TRPM6: variants seen among roughly 807,000 people sequenced by gnomAD.
TRPM6 encodes transient receptor potential cation channel subfamily M member 6.
A neutral mutation model predicts 247.6 loss-of-function variants in TRPM6; 111 were observed. The ratio of observed to expected loss-of-function variants is 0.45; its 90% CI spans 0.38 to 0.52. The LOEUF (loss-of-function observed/expected upper bound fraction) is 0.52. TRPM6 is among the 20% of genes least tolerant of loss of function. TRPM6 has a pLI of 0.00. For synonymous variants in TRPM6, 892 were observed against 853.8 expected (o/e 1.04, Z -0.78); for missense variants, 2,126 against 2,421.5 (o/e 0.88, Z 2.56).
chr9:74,763,098 A>G lies in TRPM6; in HGVS notation c.3573T>C (p.Asn1191=). 1 of 1,613,522 alleles carries G rather than the reference A, an allele frequency of 6.2e-7. No homozygotes were observed. The highest frequency in any genetic ancestry group is 8.5e-7 in the Non-Finnish European group (1 of 1,180,000). The part of the protein sequence containing the change: ...TEMYFQLKEM[N]EKVSFIKDSL... ...AGTCCTTTATAAAAGACACCTTTTC[A>G]TTCATTTCTTTCAGCTGGAAGTACA... Residue 1191 remains asparagine, a synonymous_variant, in exon 26 of 39, where the codon AAT becomes AAC. Coordinates refer to ENST00000360774, the MANE Select transcript of TRPM6 (RefSeq NM_017662.5).
intron 11 of TRPM6, 86 bp downstream of exon 11, chr9:74,816,583 A>G (rs1015661099): frequency 9.9e-5 from 108 of 1,092,570 alleles, no homozygotes; most frequent in Non-Finnish European, 1.3e-4. Context: ...AAACCAATCA[A>G]TATCTCCTCT....
chr9:74,729,622 A>T (rs989584400), intron 37 of TRPM6, among the ~76,000 whole-genome samples: 1 of 152,152 alleles, frequency 6.6e-6, no homozygotes, highest in Non-Finnish European at 1.5e-5. Flanking sequence ...GCCTCTTGTT[A>T]ACTATTCCTC....
At chr9:74,758,733 T>C (rs967906058) in intron 27 of TRPM6, among the ~76,000 whole-genome samples, 1 of 152,184 alleles carries the variant, frequency 6.6e-6, no homozygotes, top group Non-Finnish European at 1.5e-5. Flanking sequence ...CAGGAAAAGA[T>C]ATCTGCTTTT....
chr9:74,833,946 C>T (rs1440676496), intron 6 of TRPM6, 52 bp downstream of exon 6: 8 of 1,609,870 alleles, frequency 5.0e-6, no homozygotes, highest in East Asian at 2.2e-5. Context: ...GTTAAGCTGG[C>T]AATTTGCACA....
chr9:74,882,444 G>A (rs1831391250), intron 1 of TRPM6, among the ~76,000 whole-genome samples: 1 of 152,094 alleles, frequency 6.6e-6, no homozygotes, highest in Non-Finnish European at 1.5e-5. Context: ...TGAAGAGTGG[G>A]CAAAGGACAT....
chr9:74,785,802 T>A (rs55720633), intron 21 of TRPM6, 72 bp downstream of exon 21: 4 of 1,567,312 alleles, frequency 2.6e-6, no homozygotes, highest in South Asian at 2.2e-5. Flanking sequence ...GGATTACAGG[T>A]GTGAGCCACC....
At chr9:74,862,137 TG>T (rs1830708010) in intron 1 of TRPM6, among the ~76,000 whole-genome samples, 1 of 130,132 alleles carries the variant, frequency 7.7e-6, no homozygotes, top group Non-Finnish European at 1.6e-5. Context: ...AGCTTGAAAA[TG>T]TTTCAAATAA....
rs1420550173 is a variant in TRPM6 at position 74,775,919 on chromosome 9, C to T, written c.3367G>A (p.Ala1123Thr). The change falls in exon 24 of 39, where the codon GCT (alanine) becomes ACT (threonine). Residue 1123 changes from alanine (A) to threonine (T), a missense_variant. Coordinates refer to ENST00000360774, the MANE Select transcript of TRPM6 (RefSeq NM_017662.5). ...TCACCCTCTTCTTGGTCGTGAGGAG[C>T]TCGATGACAGCACAGGCGGCGGAGG... The part of the protein sequence containing the change: ...LLLRRLCCHR[A>T]PHDQEEGDVG... 7.4e-6 allele frequency: 12 copies of T among 1,614,044 alleles called. No individual in the cohort carries two copies. The highest frequency in any genetic ancestry group is 1.6e-4 in the Middle Eastern group (1 of 6,084).
At chr9:74,724,928 C>T (rs1422272714) in intron 38 of TRPM6, among the ~76,000 whole-genome samples, 182 bp from the exon 39 acceptor site, 2 of 152,176 alleles carry the variant, frequency 1.3e-5, no homozygotes, top group African/African-American at 2.4e-5. Context: ...ACCCCAATAC[C>T]CCCCTTCCTT....
intron 25 of TRPM6, among the ~76,000 whole-genome samples, chr9:74,767,383 A>G (rs1031076181): frequency 2.0e-5 from 3 of 152,228 alleles, no homozygotes; most frequent in African/African-American, 7.2e-5. Flanking sequence ...AGGGAAAGTA[A>G]GATTTAAAAC....
intron 25 of TRPM6, among the ~76,000 whole-genome samples, chr9:74,770,077 ATT>A (rs1182469365): frequency 6.6e-6 from 1 of 152,148 alleles, no homozygotes; most frequent in African/African-American, 2.4e-5. Flanking sequence ...TTGATATTCA[ATT>A]TTTTCTCCAT....
intron 36 of TRPM6, among the ~76,000 whole-genome samples, chr9:74,734,904 C>G (rs932855075): frequency 6.6e-6 from 1 of 152,074 alleles, no homozygotes; most frequent in Non-Finnish European, 1.5e-5. Context: ...GGCAGAAGGA[C>G]CTTTCAGTGT....
At chr9:74,805,550 G>A (rs1318067463) in intron 14 of TRPM6, among the ~76,000 whole-genome samples, 4 of 152,200 alleles carry the variant, frequency 2.6e-5, no homozygotes, top group Non-Finnish European at 5.9e-5. Flanking sequence ...TAAGTAACAT[G>A]TCTCAGAATG....
intron 3 of TRPM6, among the ~76,000 whole-genome samples, chr9:74,852,523 C>T (rs965929547): frequency 3.9e-5 from 6 of 152,186 alleles, no homozygotes; most frequent in African/African-American, 1.2e-4. Flanking sequence ...CCTCTCTCCA[C>T]GGTCTCCCTC....
rs993354735 is a variant in TRPM6 at position 74,792,572 on chromosome 9, A to G, written c.2538+52T>C. On this transcript the variant is annotated intron_variant, in intron 19 of 38. Coordinates refer to ENST00000360774, the MANE Select transcript of TRPM6 (RefSeq NM_017662.5). The stretch of plus-strand genomic sequence containing the variant: ...AATCAGGCATATTATCAACATCATC[A>G]CTAGCTATCAATCATCATTAATCCG... The G allele has an allele frequency of 8.5e-5, 134 of 1,580,386 alleles. 2 individuals carry two copies. In the Admixed American group the frequency reaches 2.2e-3, roughly 26 times the overall value.
intron 19 of TRPM6, among the ~76,000 whole-genome samples, chr9:74,789,960 CAAA>C (rs71368680): frequency 4.1e-4 from 27 of 65,138 alleles, no homozygotes; most frequent in African/African-American, 1.5e-3. Flanking sequence ...GACTCCATCT[CAAA>C]AAAAAAAAAA....
chr9:74,771,423 A>G (rs771758497), intron 25 of TRPM6, among the ~76,000 whole-genome samples: 2 of 151,244 alleles, frequency 1.3e-5, no homozygotes, highest in African/African-American at 2.5e-5. Context: ...ACACATGCGC[A>G]CACACACACA....
At position 74,773,907 on chromosome 9, in the gene TRPM6, C is replaced by T. The variant is rs1466387222; in HGVS notation, c.3403+1976G>A. Reference sequence around the variant, plus strand: ...CTGAAAAGATTCGGTATCTCCCACCCCCTACCCAACTCTAATGTCTTCTTT... The same window carrying T: ...CTGAAAAGATTCGGTATCTCCCACCTCCTACCCAACTCTAATGTCTTCTTT... On this transcript the variant is annotated intron_variant, in intron 24 of 38. Transcript: ENST00000360774. Among the ~76,000 whole-genome samples, 4 of 152,218 alleles carry T rather than the reference C, an allele frequency of 2.6e-5. No homozygotes were observed. The East Asian group carries it at 7.7e-4, about 29-fold the overall frequency.
chr9:74,875,757 TTC>T (rs1352824885), intron 1 of TRPM6, among the ~76,000 whole-genome samples: 1 of 152,146 alleles, frequency 6.6e-6, no homozygotes, highest in Non-Finnish European at 1.5e-5. Context: ...GGAAGGTTGT[TTC>T]TCTGGGCCAG....
Sources: gnomAD v4.1 joint callset for allele counts (sites outside exome capture counted in the v4.1 genomes callset) on GRCh38, gnomAD v4.1.1 for gene constraint, MANE v1.5 for transcripts, NCBI Gene and HGNC (gene_info 2026-07-23, HGNC 2026-07-21) for gene names.